Variants in AHCYL2 observed in about 807,000 individuals in gnomAD.
AHCYL2 encodes the protein adenosylhomocysteinase like 2.
AHCYL2 carries 28 observed loss-of-function variants against 81.4 expected under a neutral mutation model. The observed-to-expected ratio is 0.34, with a 90% CI of 0.25 to 0.47. AHCYL2 has a LOEUF of 0.47. Ranked by LOEUF, AHCYL2 falls within the 20% of genes least tolerant of loss-of-function variation. AHCYL2 has a pLI of 1.00. For synonymous variants in AHCYL2, 272 were observed against 290.2 expected (o/e 0.94, Z 0.64); for missense variants, 551 against 785.1 (o/e 0.70, Z 3.56).
chr7:129,242,778 C>T (rs1794910857), intron 1 of AHCYL2, among the ~76,000 whole-genome samples: 1 of 151,164 alleles, frequency 6.6e-6, no homozygotes, highest in Non-Finnish European at 1.5e-5. Flanking sequence ...CAAGATATTT[C>T]CAAATTGCTT....
chr7:129,343,907 T>G (rs916019969), intron 1 of AHCYL2, among the ~76,000 whole-genome samples: 5 of 152,166 alleles, frequency 3.3e-5, no homozygotes, highest in African/African-American at 1.2e-4. Flanking sequence ...GAAAAATGAC[T>G]GGTATTTAGA....
At chr7:129,237,588 T>C (rs1794685426) in intron 1 of AHCYL2, among the ~76,000 whole-genome samples, 1 of 152,150 alleles carries the variant, frequency 6.6e-6, no homozygotes, top group Non-Finnish European at 1.5e-5. Flanking sequence ...GATTAGTTTA[T>C]GTTTTGACGG....
chr7:129,312,991 T>C (rs933258318), intron 1 of AHCYL2, among the ~76,000 whole-genome samples: 1 of 152,228 alleles, frequency 6.6e-6, no homozygotes, highest in Non-Finnish European at 1.5e-5. Context: ...CTGCAGTACT[T>C]TTTCTTTCTT....
intron 1 of AHCYL2, among the ~76,000 whole-genome samples, chr7:129,290,500 CAA>C (rs76196258): frequency 5.0e-4 from 31 of 61,476 alleles, no homozygotes; most frequent in African/African-American, 1.3e-3. Context: ...GACTCTGTCT[CAA>C]AAAAAAAAAA....
At chr7:129,279,837 A>G (rs1302727886) in intron 1 of AHCYL2, among the ~76,000 whole-genome samples, 3 of 152,098 alleles carry the variant, frequency 2.0e-5, no homozygotes, top group African/African-American at 7.2e-5. Flanking sequence ...CACTGGTGGG[A>G]GTGTCTTTTA....
chr7:129,419,149 A>AT lies in AHCYL2; in HGVS notation c.1462-3683dup, dbSNP rs1563248957. 6.6e-6 allele frequency among the ~76,000 whole-genome samples: 1 copy of AT among 152,050 alleles called. No homozygotes were observed. The highest frequency in any genetic ancestry group is 1.5e-5 in the Non-Finnish European group (1 of 68,014). On this transcript the variant is annotated intron_variant, in intron 12 of 16. Transcript: ENST00000325006. The surrounding 1 kb of genome is among the most constrained non-coding windows in gnomAD (Gnocchi z 4.7). ...AAGAGTTGGTCATTTAGAAAGCTGC[A>AT]TTTTTTTTCTGAGAAATATGAATGC... is the stretch of plus-strand genomic sequence containing the variant.
intron 4 of AHCYL2, among the ~76,000 whole-genome samples, chr7:129,395,867 C>A (rs1002240371): frequency 6.6e-6 from 1 of 152,154 alleles, no homozygotes; most frequent in African/African-American, 2.4e-5. Flanking sequence ...CCCAGCCTTT[C>A]GTAATTGTTC....
chr7:129,339,435 A>G (rs1454938621), intron 1 of AHCYL2, among the ~76,000 whole-genome samples: 2 of 152,244 alleles, frequency 1.3e-5, no homozygotes. Flanking sequence ...TGTTTGTGAT[A>G]GAAGAAGACT....
At position 129,426,816 on chromosome 7, in the gene AHCYL2, C is replaced by T. The variant is rs1357325328; in HGVS notation, c.1830-223C>T. On this transcript the variant is annotated intron_variant, in intron 16 of 16. Coordinates refer to ENST00000325006, the MANE Select transcript of AHCYL2 (RefSeq NM_015328.4). This position sits in a 1 kb window ranked among gnomAD's most constrained non-coding sequence, Gnocchi z 4.3. ...GCCTCATTAAATAAAGTTCCCCTTC[C>T]TCAATTCCTTTCCCCATTTCATCTT... is the stretch of plus-strand genomic sequence containing the variant. Among the ~76,000 whole-genome samples, 1 of 151,862 alleles carries T rather than the reference C, an allele frequency of 6.6e-6. No individual in the cohort carries two copies. The highest frequency in any genetic ancestry group is 2.4e-5 in the African/African-American group (1 of 41,350).
chr7:129,247,429 T>G (rs1345185775), intron 1 of AHCYL2, among the ~76,000 whole-genome samples: 2 of 152,210 alleles, frequency 1.3e-5, no homozygotes, highest in Admixed American at 1.3e-4. Context: ...TATTGAGTTG[T>G]AGGAATTCTT....
At chr7:129,400,195 T>C in intron 5 of AHCYL2, 95 bp from the exon 6 acceptor site, 1 of 1,065,230 alleles carries the variant, frequency 9.4e-7, no homozygotes, top group Non-Finnish European at 1.4e-6. Context: ...AATGAGAGAG[T>C]TGGAAATTAG....
chr7:129,340,493 G>C (rs899560056), intron 1 of AHCYL2, among the ~76,000 whole-genome samples: 1 of 150,634 alleles, frequency 6.6e-6, no homozygotes, highest in Non-Finnish European at 1.5e-5. Context: ...GCGTGAACTC[G>C]GGAGGCGGAA....
chr7:129,310,927 A>G (rs544043282), intron 1 of AHCYL2, among the ~76,000 whole-genome samples: 51 of 152,074 alleles, frequency 3.4e-4, no homozygotes, highest in Non-Finnish European at 6.0e-4. Context: ...CCTGGGCAAC[A>G]TGGTGAAACC....
At chr7:129,407,211 G>A (rs895508423) in intron 10 of AHCYL2, among the ~76,000 whole-genome samples, 1 of 152,038 alleles carries the variant, frequency 6.6e-6, no homozygotes, top group Admixed American at 6.6e-5. Context: ...AATTAGCTGG[G>A]TGTGGTGGTG....
intron 1 of AHCYL2, among the ~76,000 whole-genome samples, chr7:129,336,071 C>CTTTTTTTTTT (rs11373631): frequency 8.4e-6 from 1 of 118,460 alleles, no homozygotes; most frequent in Non-Finnish European, 1.6e-5. Context: ...CTTTTCTTTC[C>CTTTTTTTTTT]TTTTTTTTTT....
At chr7:129,335,120 G>T (rs1422835554) in intron 1 of AHCYL2, among the ~76,000 whole-genome samples, 1 of 152,198 alleles carries the variant, frequency 6.6e-6, no homozygotes, top group Non-Finnish European at 1.5e-5. Flanking sequence ...GGTGGCTCAT[G>T]CCTGTAATCC....
intron 1 of AHCYL2, among the ~76,000 whole-genome samples, chr7:129,353,773 A>G (rs1415130842): frequency 6.6e-6 from 1 of 151,080 alleles, no homozygotes; most frequent in Non-Finnish European, 1.5e-5. Flanking sequence ...GGATACAGGT[A>G]AGAGGAAGAT....
At position 129,259,599 on chromosome 7, in the gene AHCYL2, A is replaced by G. The variant is rs138616729; in HGVS notation, c.363+34160A>G. On this transcript the variant is annotated intron_variant, in intron 1 of 16. Coordinates refer to ENST00000325006, the MANE Select transcript of AHCYL2 (RefSeq NM_015328.4). Reference sequence around the variant, plus strand: ...CAGTGATTTTAACAACAAGGCTTGTAAGCGAGAAGCTTAAGGTTCCTATTC... The same window carrying G: ...CAGTGATTTTAACAACAAGGCTTGTGAGCGAGAAGCTTAAGGTTCCTATTC... Among the ~76,000 whole-genome samples the G allele has an allele frequency of 9.3e-3, 1,418 of 152,320 alleles. 11 individuals are homozygous for G. The highest frequency in any genetic ancestry group is 0.013 in the Non-Finnish European group (869 of 68,020).
At chr7:129,304,543 T>C (rs1797360228) in intron 1 of AHCYL2, among the ~76,000 whole-genome samples, 1 of 152,192 alleles carries the variant, frequency 6.6e-6, no homozygotes, top group Non-Finnish European at 1.5e-5. Flanking sequence ...AATACTTCCT[T>C]TATATATCTG....
Sources: allele counts gnomAD v4.1 joint callset (sites outside exome capture counted in the v4.1 genomes callset), GRCh38; gene constraint gnomAD v4.1.1; non-coding constraint Gnocchi (gnomAD v3.1); transcripts MANE v1.5; gene names NCBI Gene and HGNC (gene_info 2026-07-23, HGNC 2026-07-21).